The following UNCX variants were observed in gnomAD, a reference collection of about 807,000 sequenced individuals.
UNCX encodes homeobox protein unc-4 homolog.
UNCX carries 4 observed loss-of-function variants against 14.8 expected under a neutral mutation model. The ratio of observed to expected loss-of-function variants is 0.27; its 90% confidence interval spans 0.13 to 0.62. The LOEUF is 0.62. Ranked by LOEUF, UNCX falls within the 20% of genes least tolerant of loss-of-function variation. UNCX has a pLI of 0.86. For synonymous variants in UNCX, 459 were observed against 395.8 expected (o/e 1.16, Z -1.90); for missense variants, 749 against 786.8 (o/e 0.95, Z 0.58).
rs1301984837 is a variant in UNCX at position 1,233,785 on chromosome 7, G to T, written c.450+90G>T. The stretch of plus-strand genomic sequence containing the variant: ...CCTTTGTTCCAGGTGGCGAGATATC[G>T]TCCCCTTGCCGCGGGCCCGCTTCGC... On this transcript the variant is annotated intron_variant, in intron 2 of 2. Coordinates refer to ENST00000316333, the MANE Select transcript of UNCX (RefSeq NM_001080461.3). This position sits in a 1 kb window ranked among gnomAD's most constrained non-coding sequence, Gnocchi z 5.3. 4.8e-6 allele frequency: 7 copies of T among 1,459,688 alleles called. No individual in the cohort carries two copies. Among genetic ancestry groups the T allele is most frequent in the Non-Finnish European group, 5.5e-6 (6 of 1,093,662 alleles). The allele number at this position is 1,459,688 out of a possible 1,614,324, so 90.4% of individuals were successfully genotyped here. A position where few individuals can be genotyped will look rare whatever the true frequency, so the allele number is the denominator to read the frequency against.
At chr7:1,235,067 A>AG (rs1302694996) in intron 2 of UNCX, among the ~76,000 whole-genome samples, 1 of 152,104 alleles carries the variant, frequency 6.6e-6, no homozygotes, top group African/African-American at 2.4e-5. Flanking sequence ...GACTGCAGAG[A>AG]GGATGGAAGA....
At chr7:1,234,995 G>C (rs964447142) in intron 2 of UNCX, among the ~76,000 whole-genome samples, 4 of 152,310 alleles carry the variant, frequency 2.6e-5, no homozygotes, top group East Asian at 3.9e-4. Context: ...TTGGTGGCTG[G>C]CGGTTGAGTG....
Position 1,236,755 on chromosome 7 carries a change from G to T in UNCX, c.1374G>T (p.Ala458=). 1.0e-6 allele frequency: 1 copy of T among 988,836 alleles called. No individual in the cohort carries two copies. The highest frequency in any genetic ancestry group is 1.2e-6 in the Non-Finnish European group (1 of 833,802). The allele number at this position is 988,836 out of a possible 1,614,324, so 61.3% of individuals were successfully genotyped here. ...ASPGAPAPAP[A]PFRDLASAAA... is the part of the protein sequence containing the mutation. The stretch of plus-strand genomic sequence containing the variant: ...CGGGGGCCCCAGCCCCGGCCCCGGC[G>T]CCTTTCCGGGACCTCGCCTCGGCAG... Residue 458 remains alanine (A), a synonymous_variant, in exon 3 of 3, where the codon GCG becomes GCT. Transcript: ENST00000316333. This position sits in a 1 kb window ranked among gnomAD's most constrained non-coding sequence, Gnocchi z 6.9.
chr7:1,236,840 CCGCCGCCCGCGCCGT>C lies in UNCX; in HGVS notation c.1464_1478del (p.Pro489_Pro493del), dbSNP rs1778754915. Reference sequence around the variant, plus strand: ...CGCGGGGACCGCCGGCCCCGCGCCCCCGCCGCCCGCGCCGTCGCCCAGGCCCGGCCCTCGGCCTCC... The same window carrying C: ...CGCGGGGACCGCCGGCCCCGCGCCCCCGCCCAGGCCCGGCCCTCGGCCTCC... On this transcript the variant is annotated inframe_deletion, in exon 3 of 3. Transcript: ENST00000316333. The surrounding 1 kb of genome is among the most constrained non-coding windows in gnomAD (Gnocchi z 6.9). 1.0e-6 allele frequency: 1 copy of C among 993,148 alleles called. No homozygotes were observed. The highest frequency in any genetic ancestry group is 1.2e-6 in the Non-Finnish European group (1 of 836,960). 61.5% of individuals were successfully genotyped at this position (993,148 alleles called of 1,614,324 possible).
rs771712250 is a variant in UNCX, at chr7:1,235,982, G to A, written c.601G>A (p.Glu201Lys). 6.2e-7 allele frequency: 1 copy of A among 1,611,082 alleles called. No homozygotes were observed. Among genetic ancestry groups the A allele is most frequent in the East Asian group, 2.2e-5 (1 of 44,806 alleles). Residue 201 changes from glutamate to lysine, a missense_variant, in exon 3 of 3, where the codon GAG (glutamate) becomes AAG (lysine). Around this residue, in one of 3 missense-constraint regions of UNCX, gnomAD observed 552 missense variants for 507.2 expected, o/e 1.09. Transcript: ENST00000316333. The stretch of plus-strand genomic sequence containing the variant: ...CGCGCGCAAGGAGCTGGAGAAGATG[G>A]AGAAGAAGAAGCGCAAGCACGAGAA... The part of the protein sequence containing the change: ...EIARKELEKM[E>K]KKKRKHEKKL...
intron 2 of UNCX, among the ~76,000 whole-genome samples, chr7:1,234,649 C>G (rs1778706377): frequency 7.0e-6 from 1 of 143,684 alleles, no homozygotes; most frequent in Non-Finnish European, 1.5e-5. Context: ...TCCTTTCATC[C>G]AATTTGTTCT....
At chr7:1,234,835 C>T (rs1778709628) in intron 2 of UNCX, among the ~76,000 whole-genome samples, 1 of 151,594 alleles carries the variant, frequency 6.6e-6, no homozygotes, top group African/African-American at 2.4e-5. Flanking sequence ...GAGACCTCCC[C>T]ATGGACAAGG....
Position 1,233,148 on chromosome 7 carries a change from C to T in UNCX, c.131C>T (p.Ala44Val). 1.4e-6 allele frequency: 2 copies of T among 1,453,726 alleles called. No homozygotes were observed. The highest frequency in any genetic ancestry group is 1.8e-6 in the Non-Finnish European group (2 of 1,105,696). 90.1% of individuals were successfully genotyped at this position (1,453,726 alleles called of 1,614,324 possible). ...CTGGCCGGGCACCAGCTGCAGTCGG[C>T]CGCCGCCGCCGCCTCGGTGCCCTTC... ...YELAGHQLQS[A>V]AAAASVPFSI... Residue 44 changes from alanine to valine, a missense_variant, in exon 1 of 3, where the codon GCC (alanine) becomes GTC (valine). By Grantham distance (64) the Ala-to-Val change is moderately conservative. Around this residue, in one of 3 missense-constraint regions of UNCX, gnomAD observed 155 missense variants for 166.7 expected, o/e 0.93. Coordinates refer to ENST00000316333, the MANE Select transcript of UNCX (RefSeq NM_001080461.3). The surrounding 1 kb of genome is among the most constrained non-coding windows in gnomAD (Gnocchi z 5.3).
In UNCX at chr7:1,233,334, G is replaced by T. The variant is rs2128272286; in HGVS notation, c.274+43G>T. 1 of 1,323,598 alleles carries T rather than the reference G, an allele frequency of 7.6e-7. No individual in the cohort carries two copies. The highest frequency in any genetic ancestry group is 9.6e-7 in the Non-Finnish European group (1 of 1,043,504). The allele number at this position is 1,323,598 out of a possible 1,614,324, so 82.0% of individuals were successfully genotyped here. On this transcript the variant is annotated intron_variant, in intron 1 of 2. Coordinates refer to ENST00000316333, the MANE Select transcript of UNCX (RefSeq NM_001080461.3). The surrounding 1 kb of genome is among the most constrained non-coding windows in gnomAD (Gnocchi z 5.3). ...GAGGGCGGGGAGGAGTGCGGCTGGG[G>T]GCGGGGGCCCTGGTCCGGCCGAGGC...
rs1778751638 is a variant in UNCX, at chr7:1,236,750, C to G, written c.1369C>G (p.Pro457Ala). The G allele has an allele frequency of 1.0e-6, 1 of 989,534 alleles. No individual in the cohort carries two copies. The highest frequency in any genetic ancestry group is 1.8e-5 in the African/African-American group (1 of 56,800). 61.3% of individuals were successfully genotyped at this position (989,534 alleles called of 1,614,324 possible). The change falls in exon 3 of 3, where the codon CCG (proline) becomes GCG (alanine). Residue 457 changes from proline (P) to alanine (A), a missense_variant. Around this residue, in one of 3 missense-constraint regions of UNCX, gnomAD observed 552 missense variants for 507.2 expected, o/e 1.09. Coordinates refer to ENST00000316333, the MANE Select transcript of UNCX (RefSeq NM_001080461.3). This position sits in a 1 kb window ranked among gnomAD's most constrained non-coding sequence, Gnocchi z 6.9. ...CTCCCCGGGGGCCCCAGCCCCGGCC[C>G]CGGCGCCTTTCCGGGACCTCGCCTC... The part of the protein sequence containing the change: ...VASPGAPAPA[P>A]APFRDLASAA...
intron 2 of UNCX, among the ~76,000 whole-genome samples, chr7:1,235,331 C>T (rs954966080): frequency 8.5e-5 from 13 of 152,266 alleles, no homozygotes; most frequent in African/African-American, 3.1e-4. Context: ...TCCGCCCCCA[C>T]CCCCGAAATG....
In UNCX at chr7:1,236,598, C is replaced by T; in HGVS notation, c.1217C>T (p.Pro406Leu). 2 of 1,157,942 alleles carry T rather than the reference C, an allele frequency of 1.7e-6. No homozygotes were observed. The highest frequency in any genetic ancestry group is 2.1e-6 in the Non-Finnish European group (2 of 943,922). The allele number at this position is 1,157,942 out of a possible 1,614,324, so 71.7% of individuals were successfully genotyped here. A position where few individuals can be genotyped will look rare whatever the true frequency, so the allele number is the denominator to read the frequency against. ...LKGGAGLEPAPKDAPPAPAVP... is the reference protein window; with the variant it reads ...LKGGAGLEPALKDAPPAPAVP... ...GGCGGCGCGGGCCTGGAGCCGGCGC[C>T]CAAGGACGCGCCGCCCGCGCCCGCC... Residue 406 changes from proline to leucine, a missense_variant, in exon 3 of 3, where the codon CCC (proline) becomes CTC (leucine). Coordinates refer to ENST00000316333, the MANE Select transcript of UNCX (RefSeq NM_001080461.3). The surrounding 1 kb of genome is among the most constrained non-coding windows in gnomAD (Gnocchi z 6.9).
Position 1,237,044 on chromosome 7 carries a change from A to G in UNCX, c.*67A>G, listed in dbSNP as rs2128273083. ...GCTCGCTCAGGCTCCGACTCACGCA[A>G]CGAATCAGGTGATCGGCTCTAGAAA... On this transcript the variant is annotated 3_prime_UTR_variant, in exon 3 of 3. Transcript: ENST00000316333. The surrounding 1 kb of genome is among the most constrained non-coding windows in gnomAD (Gnocchi z 5.8). The G allele has an allele frequency of 4.7e-6, 5 of 1,062,814 alleles. No individual in the cohort carries two copies. The South Asian group carries it at 1.8e-4, about 39-fold the overall frequency. The allele number at this position is 1,062,814 out of a possible 1,614,324, so 65.8% of individuals were successfully genotyped here.
rs763186964 is a variant in UNCX, at chr7:1,236,047, C to T, written c.666C>T (p.Pro222=). ...GCCAGGGCCGCCACTTGCACTCGCC[C>T]GGCGGCCTGTCCCTGCACAGCGCGC... The part of the protein sequence containing the change: ...LKSQGRHLHS[P]GGLSLHSAPS... Residue 222 remains proline, a synonymous_variant, in exon 3 of 3, where the codon CCC becomes CCT. Coordinates refer to ENST00000316333, the MANE Select transcript of UNCX (RefSeq NM_001080461.3). The surrounding 1 kb of genome is among the most constrained non-coding windows in gnomAD (Gnocchi z 6.9). 5 of 1,601,922 alleles carry T rather than the reference C, an allele frequency of 3.1e-6. No homozygotes were observed. The highest frequency in any genetic ancestry group is 2.3e-5 in the East Asian group (1 of 44,340).
rs1241040082 is a variant in UNCX at position 1,236,233 on chromosome 7, C to A, written c.852C>A (p.Ala284=). 7.3e-7 allele frequency: 1 copy of A among 1,364,688 alleles called. No homozygotes were observed. The highest frequency in any genetic ancestry group is 1.4e-5 in the South Asian group (1 of 72,824). The allele number at this position is 1,364,688 out of a possible 1,614,324, so 84.5% of individuals were successfully genotyped here. The change falls in exon 3 of 3, where the codon GCC becomes GCA. Residue 284 remains alanine (A), a synonymous_variant. Coordinates refer to ENST00000316333, the MANE Select transcript of UNCX (RefSeq NM_001080461.3). The surrounding 1 kb of genome is among the most constrained non-coding windows in gnomAD (Gnocchi z 6.9). The part of the protein sequence containing the change: ...EPPAPGTCDP[A]FYPSQRSGAG... ...CTGCACCCGGCACCTGCGACCCCGCCTTCTACCCGAGCCAAAGAAGCGGCG... is the reference window on the plus strand; with the variant it reads ...CTGCACCCGGCACCTGCGACCCCGCATTCTACCCGAGCCAAAGAAGCGGCG...
In UNCX at chr7:1,236,015, C is replaced by A; in HGVS notation, c.634C>A (p.Leu212Met). 1 of 1,606,974 alleles carries A rather than the reference C, an allele frequency of 6.2e-7. No individual in the cohort carries two copies. Among genetic ancestry groups the A allele is most frequent in the South Asian group, 1.1e-5 (1 of 90,374 alleles). The change falls in exon 3 of 3, where the codon CTG becomes ATG. Residue 212 changes from leucine (L) to methionine (M), a missense_variant. Coordinates refer to ENST00000316333, the MANE Select transcript of UNCX (RefSeq NM_001080461.3). This position sits in a 1 kb window ranked among gnomAD's most constrained non-coding sequence, Gnocchi z 6.9. ...KKKRKHEKKLLKSQGRHLHSP... is the reference protein window; with the variant it reads ...KKKRKHEKKLMKSQGRHLHSP... ...GAAGCGCAAGCACGAGAAGAAGCTG[C>A]TGAAGAGCCAGGGCCGCCACTTGCA... is the stretch of plus-strand genomic sequence containing the variant.
Position 1,233,170 on chromosome 7 carries a change from CT to C in UNCX, c.155del (p.Phe52SerfsTer91). 1 of 1,463,696 alleles carries C rather than the reference CT, an allele frequency of 6.8e-7. No individual in the cohort carries two copies. The highest frequency in any genetic ancestry group is 9.0e-7 in the Non-Finnish European group (1 of 1,111,878). The allele number at this position is 1,463,696 out of a possible 1,614,324, so 90.7% of individuals were successfully genotyped here. On this transcript the variant is annotated frameshift_variant, in exon 1 of 3. Coordinates refer to ENST00000316333, the MANE Select transcript of UNCX (RefSeq NM_001080461.3). LOFTEE classifies it high-confidence loss of function. The surrounding 1 kb of genome is among the most constrained non-coding windows in gnomAD (Gnocchi z 5.3). ...CGGCCGCCGCCGCCGCCTCGGTGCC[CT>C]TCTCCATCGACGGCCTGCTCGGGGG... ...QSAAAAASVP[F>X]SIDGLLGGSC...
rs1177116963 is a variant in UNCX at position 1,236,332 on chromosome 7, G to A, written c.951G>A (p.Ala317=). ...CGTGCGGGCCAGGGGCCGCTGTGGC[G>A]GCGGTGGAGCGCGGCGCCGCGGGGC... is the stretch of plus-strand genomic sequence containing the variant. ...AASCGPGAAV[A]AVERGAAGLP... Residue 317 remains alanine, a synonymous_variant, in exon 3 of 3, where the codon GCG becomes GCA. Transcript: ENST00000316333. The surrounding 1 kb of genome is among the most constrained non-coding windows in gnomAD (Gnocchi z 6.9). The A allele has an allele frequency of 2.3e-6, 3 of 1,296,370 alleles. No homozygotes were observed. Among genetic ancestry groups the A allele is most frequent in the Admixed American group, 3.9e-5 (1 of 25,440 alleles). 80.3% of individuals were successfully genotyped at this position (1,296,370 alleles called of 1,614,324 possible).
Position 1,236,408 on chromosome 7 carries a change from C to A in UNCX, c.1027C>A (p.Pro343Thr), listed in dbSNP as rs1352815027. ...GGAGAGCCTCCTGTCCGACTCGCCG[C>A]CGCGCCGGAAAGCCGCTTCCAACGC... ...SVESLLSDSP[P>T]RRKAASNAAA... The change falls in exon 3 of 3, where the codon CCG becomes ACG. Residue 343 changes from proline to threonine, a missense_variant. Around this residue, in one of 3 missense-constraint regions of UNCX, gnomAD observed 552 missense variants for 507.2 expected, o/e 1.09. Coordinates refer to ENST00000316333, the MANE Select transcript of UNCX (RefSeq NM_001080461.3). This position sits in a 1 kb window ranked among gnomAD's most constrained non-coding sequence, Gnocchi z 6.9. 2.2e-6 allele frequency: 3 copies of A among 1,370,886 alleles called. No individual in the cohort carries two copies. Among genetic ancestry groups the A allele is most frequent in the Admixed American group, 6.0e-5 (2 of 33,494 alleles). The allele number at this position is 1,370,886 out of a possible 1,614,324, so 84.9% of individuals were successfully genotyped here. A position where few individuals can be genotyped will look rare whatever the true frequency, so the allele number is the denominator to read the frequency against.
Sources: gnomAD v4.1 joint callset for allele counts (sites outside exome capture counted in the v4.1 genomes callset) on GRCh38, gnomAD v4.1.1 for gene constraint, gnomAD v4.1.1 regional missense constraint, Gnocchi (gnomAD v3.1) non-coding constraint, MANE v1.5 for transcripts, NCBI Gene and HGNC (gene_info 2026-07-23, HGNC 2026-07-21) for gene names.